The following ZNF256 variants were observed in gnomAD, a reference collection of about 807,000 sequenced individuals.
The protein encoded by ZNF256 is zinc finger protein 256, also known as bone marrow zinc finger 3.
ZNF256 carries 4 observed loss-of-function variants against 7.9 expected under a neutral mutation model. The observed-to-expected ratio is 0.50, with a 90% CI of 0.25 to 1.15. The LOEUF (loss-of-function observed/expected upper bound fraction) is 1.15, where lower values mean the gene tolerates loss of function less well. Among genes scored for constraint, ZNF256 ranks in the 50% most tolerant of loss-of-function variants. The pLI is 0.15. For missense variants in ZNF256, 666 were observed against 755.9 expected, an observed-to-expected ratio of 0.88 and a Z score of 1.39; for synonymous variants, 260 against 260.4, an observed-to-expected ratio of 1.00 and a Z score of 0.02.
At chr19:57,945,403 T>G (rs2072760102) in intron 1 of ZNF256, among the ~76,000 whole-genome samples, 1 of 152,118 alleles carries the variant, frequency 6.6e-6, no homozygotes, top group South Asian at 2.1e-4. Context: ...GATAGGGAAC[T>G]GAAACCCACT....
chr19:57,943,221 C>T (rs996151281), intron 2 of ZNF256, among the ~76,000 whole-genome samples: 4 of 152,146 alleles, frequency 2.6e-5, no homozygotes, highest in African/African-American at 9.7e-5. Flanking sequence ...TGAGGTTTGG[C>T]CCCAAATGTC....
At chr19:57,945,568 C>T (rs966028991) in intron 1 of ZNF256, among the ~76,000 whole-genome samples, 3 of 152,128 alleles carry the variant, frequency 2.0e-5, no homozygotes, top group East Asian at 1.9e-4. Context: ...GATGTCAAGG[C>T]GACATATCAT....
At position 57,941,145 on chromosome 19, in the gene ZNF256, AT is replaced by A. The variant is rs865844250; in HGVS notation, c.1662del (p.Lys554AsnfsTer66). ...ACGAGGCTAGAGTGGTTACTAAAGG[AT>A]TTCCAACACTCACTGCACTCATAAG... ...ERPYECSECW[K>X]SFSNHSSLVK... On this transcript the variant is annotated frameshift_variant, in exon 3 of 3. Coordinates refer to ENST00000282308, the MANE Select transcript of ZNF256 (RefSeq NM_005773.3). LOFTEE classifies it low-confidence loss of function (END_TRUNC). 2 of 1,614,016 alleles carry A rather than the reference AT, an allele frequency of 1.2e-6. No individual in the cohort carries two copies. The highest frequency in any genetic ancestry group is 2.7e-5 in the African/African-American group (2 of 74,896).
Position 57,940,937 on chromosome 19 carries a change from A to G in ZNF256, c.1871T>C (p.Val624Ala), listed in dbSNP as rs771022997. ...GTTACCTAACCTTTATCCCTTGTGA[A>G]CGTTCTGATGTTTTAGGAGGTTGGA... is the stretch of plus-strand genomic sequence containing the variant. ...FNSNLLKHQN[V>A]HKG The change falls in exon 3 of 3, where the codon GTT (valine) becomes GCT (alanine). Residue 624 changes from valine (V) to alanine (A), a missense_variant. Coordinates refer to ENST00000282308, the MANE Select transcript of ZNF256 (RefSeq NM_005773.3). 9.9e-6 allele frequency: 16 copies of G among 1,613,488 alleles called. No homozygotes were observed. The Admixed American group carries it at 1.7e-4, about 17-fold the overall frequency.
rs1234443870 is a variant in ZNF256, at chr19:57,942,053, C to T, written c.755G>A (p.Cys252Tyr). Residue 252 changes from cysteine (C) to tyrosine (Y), a missense_variant, in exon 3 of 3, where the codon TGT (cysteine) becomes TAT (tyrosine). Transcript: ENST00000282308. ...SECGKSFSTS[C>Y]SLSDHLRVHT... is the part of the protein sequence containing the mutation. ...AACTCTCAAATGATCACTGAGGCTACAGCTTGTGCTAAAAGATTTCCCACA... is the reference window on the plus strand; with the variant it reads ...AACTCTCAAATGATCACTGAGGCTATAGCTTGTGCTAAAAGATTTCCCACA... 1 of 1,613,666 alleles carries T rather than the reference C, an allele frequency of 6.2e-7. No homozygotes were observed. The highest frequency in any genetic ancestry group is 8.5e-7 in the Non-Finnish European group (1 of 1,179,944).
At chr19:57,943,366 C>A (rs2123190430) in intron 2 of ZNF256, among the ~76,000 whole-genome samples, 1 of 152,272 alleles carries the variant, frequency 6.6e-6, no homozygotes, top group African/African-American at 2.4e-5. Context: ...TGGGGAATCA[C>A]AGCCATCCTC....
At chr19:57,942,943 T>C (rs2072740782) in intron 2 of ZNF256, among the ~76,000 whole-genome samples, 1 of 152,228 alleles carries the variant, frequency 6.6e-6, no homozygotes, top group Non-Finnish European at 1.5e-5. Context: ...TCTGCTGTCC[T>C]GCTAACACAT....
Position 57,941,952 on chromosome 19 carries a change from G to T in ZNF256, c.856C>A (p.Arg286=), listed in dbSNP as rs748369479. The change falls in exon 3 of 3, where the codon CGA becomes AGA. Residue 286 remains arginine, a synonymous_variant. Transcript: ENST00000282308. ...GGTCTTACTCCAGTGTGAATTCTTC[G>T]GTGCGTAATAAGGCTAGAGCTTTGC... The part of the protein sequence containing the change: ...YRQSSSLITH[R]RIHTGVRPHQ... 7.4e-6 allele frequency: 12 copies of T among 1,614,094 alleles called. No individual in the cohort carries two copies. Among genetic ancestry groups the T allele is most frequent in the South Asian group, 4.4e-5 (4 of 91,074 alleles).
At position 57,943,944 on chromosome 19, in the gene ZNF256, TGTAA is replaced by T; in HGVS notation, c.146_149del (p.Leu49GlnfsTer50). 3 of 1,613,958 alleles carry T rather than the reference TGTAA, an allele frequency of 1.9e-6. No homozygotes were observed. Among genetic ancestry groups the T allele is most frequent in the Admixed American group, 1.7e-5 (1 of 59,986 alleles). ...GTGTGAGGACCTTACCCAGGGAGGT[TGTAA>T]GTGTCAAGTTCTCCAGCATCACATC... On this transcript the variant is annotated frameshift_variant, in exon 2 of 3. Coordinates refer to ENST00000282308, the MANE Select transcript of ZNF256 (RefSeq NM_005773.3). LOFTEE classifies it low-confidence loss of function (END_TRUNC).
In ZNF256 at chr19:57,942,554, G is replaced by T. The variant is rs1026582501; in HGVS notation, c.254C>A (p.Ser85Tyr). Residue 85 changes from serine to tyrosine, a missense_variant, in exon 3 of 3, where the codon TCT (serine) becomes TAT (tyrosine). Ser to Tyr is a moderately radical substitution (Grantham distance 144). Transcript: ENST00000282308. ...CTCACAGGGGTTGGTCTTCTGGGGA[G>T]AAGGAAGGGCCTTAGGAATCCTAAC... Reference protein sequence around the residue: ...SQVRIPKALPSPQKTNPCEIC... With the variant: ...SQVRIPKALPYPQKTNPCEIC... 2 of 1,614,084 alleles carry T rather than the reference G, an allele frequency of 1.2e-6. No individual in the cohort carries two copies. Among genetic ancestry groups the T allele is most frequent in the African/African-American group, 1.3e-5 (1 of 74,934 alleles).
Position 57,942,365 on chromosome 19 carries a change from C to T in ZNF256, c.443G>A (p.Ser148Asn). Reference sequence around the variant, plus strand: ...CAAAAACATGTCTCTGCCCCCATTGCTTCTGAAGTGTTTCTGTCCAACATG... The same window carrying T: ...CAAAAACATGTCTCTGCCCCCATTGTTTCTGAAGTGTTTCTGTCCAACATG... ...KQHVGQKHFR[S>N]NGGRDMFLSS... The change falls in exon 3 of 3, where the codon AGC (serine) becomes AAC (asparagine). Residue 148 changes from serine to asparagine, a missense_variant. Ser to Asn is a conservative substitution (Grantham distance 46). Transcript: ENST00000282308. 2 of 1,614,242 alleles carry T rather than the reference C, an allele frequency of 1.2e-6. No homozygotes were observed. The highest frequency in any genetic ancestry group is 1.7e-6 in the Non-Finnish European group (2 of 1,180,058).
Position 57,940,861 on chromosome 19 carries a change from T to C in ZNF256, c.*63A>G. On this transcript the variant is annotated 3_prime_UTR_variant, in exon 3 of 3. Transcript: ENST00000282308. ...TTGAAAATACGTATTTATTTATTTA[T>C]GTCTGTGAATTTTGCAGGGACACTT... 9.6e-6 allele frequency: 14 copies of C among 1,455,322 alleles called. No individual in the cohort carries two copies. The highest frequency in any genetic ancestry group is 1.3e-5 in the South Asian group (1 of 74,518). The allele number at this position is 1,455,322 out of a possible 1,614,324, so 90.2% of individuals were successfully genotyped here. A position where few individuals can be genotyped will look rare whatever the true frequency, so the allele number is the denominator to read the frequency against.
Position 57,941,621 on chromosome 19 carries a change from T to C in ZNF256, c.1187A>G (p.Lys396Arg). Residue 396 changes from lysine (K) to arginine (R), a missense_variant, in exon 3 of 3, where the codon AAA (lysine) becomes AGA (arginine). Coordinates refer to ENST00000282308, the MANE Select transcript of ZNF256 (RefSeq NM_005773.3). Reference protein sequence around the residue: ...KSFSQSCHLIKHRRLHIGEGP... With the variant: ...KSFSQSCHLIRHRRLHIGEGP... ...TTCTCCAATGTGAAGTCTCCGGTGT[T>C]TAATGAGGTGACAGCTCTGGCTAAA... 6.2e-7 allele frequency: 1 copy of C among 1,613,434 alleles called. No homozygotes were observed.
Position 57,942,278 on chromosome 19 carries a change from A to T in ZNF256, c.530T>A (p.Phe177Tyr). 1 of 1,614,238 alleles carries T rather than the reference A, an allele frequency of 6.2e-7. No homozygotes were observed. Among genetic ancestry groups the T allele is most frequent in the Non-Finnish European group, 8.5e-7 (1 of 1,180,048 alleles). The stretch of plus-strand genomic sequence containing the variant: ...CTGAAGAAATCTTGATCTCACCAGG[A>T]AATCCTTCCCAACCTCCTTGCAAGT... ...PFTCKEVGKD[F>Y]LVRSRFLQQQ... Residue 177 changes from phenylalanine (F) to tyrosine (Y), a missense_variant, in exon 3 of 3, where the codon TTC becomes TAC. Coordinates refer to ENST00000282308, the MANE Select transcript of ZNF256 (RefSeq NM_005773.3).
chr19:57,947,123 A>G (rs2072771952), intron 1 of ZNF256, among the ~76,000 whole-genome samples: 1 of 152,224 alleles, frequency 6.6e-6, no homozygotes, highest in African/African-American at 2.4e-5. Context: ...ACGTAGAAAG[A>G]GCCAGGCCTC....
At position 57,941,045 on chromosome 19, in the gene ZNF256, G is replaced by C. The variant is rs906987117; in HGVS notation, c.1763C>G (p.Ser588Cys). The C allele has an allele frequency of 6.2e-7, 1 of 1,614,204 alleles. No homozygotes were observed. Among genetic ancestry groups the C allele is most frequent in the Admixed American group, 1.7e-5 (1 of 60,018 alleles). ...SECGKSFSQS[S>C]NLTNHQRIHS... ...AATTCGCTGGTGATTAGTGAGGTTA[G>C]AGCTCTGGCTAAAGGATTTTCCACA... The change falls in exon 3 of 3, where the codon TCT (serine) becomes TGT (cysteine). Residue 588 changes from serine to cysteine, a missense_variant. Coordinates refer to ENST00000282308, the MANE Select transcript of ZNF256 (RefSeq NM_005773.3).
chr19:57,947,383 C>G (rs948386427), intron 1 of ZNF256, 59 bp downstream of exon 1: 1 of 1,242,798 alleles, frequency 8.0e-7, no homozygotes, highest in African/African-American at 1.6e-5. Flanking sequence ...CAAGCGCCCT[C>G]GGGGGTGCTA....
At chr19:57,943,462 ACT>A (rs1033584910) in intron 2 of ZNF256, among the ~76,000 whole-genome samples, 31 of 152,064 alleles carry the variant, frequency 2.0e-4, no homozygotes, top group African/African-American at 7.0e-4. Context: ...GCCCAGAATG[ACT>A]CTGCACATGA....
chr19:57,944,547 G>A (rs183932922), intron 1 of ZNF256, among the ~76,000 whole-genome samples: 45 of 152,212 alleles, frequency 3.0e-4, no homozygotes, highest in Non-Finnish European at 5.1e-4. Flanking sequence ...AACCTGGGCC[G>A]GGTGCAGTGG....
Sources: allele counts gnomAD v4.1 joint callset (sites outside exome capture counted in the v4.1 genomes callset), GRCh38; gene constraint gnomAD v4.1.1; transcripts MANE v1.5; gene names NCBI Gene and HGNC (gene_info 2026-07-23, HGNC 2026-07-21).